Variants in MSRA observed in about 807,000 individuals in gnomAD.
MSRA encodes the protein mitochondrial peptide methionine sulfoxide reductase.
MSRA carries 54 observed loss-of-function variants against 31.3 expected under a neutral mutation model. The ratio of observed to expected loss-of-function variants is 1.73; its 90% CI spans 1.39 to 2.17. MSRA has a LOEUF of 2.17. Among genes scored for constraint, MSRA ranks in the 30% most tolerant of loss-of-function variants. MSRA has a pLI of 0.00. For missense variants in MSRA, 507 were observed against 300.9 expected, an observed-to-expected ratio of 1.69 and a Z score of -5.07; for synonymous variants, 169 against 116.5, an observed-to-expected ratio of 1.45 and a Z score of -2.90.
chr8:10,200,500 C>T (rs1779644073), intron 1 of MSRA, among the ~76,000 whole-genome samples: 3 of 152,138 alleles, frequency 2.0e-5, no homozygotes, highest in South Asian at 4.1e-4. Flanking sequence ...CTGGGGGACT[C>T]CCTGCCTTGC....
At chr8:10,125,903 C>G (rs1041083469) in intron 1 of MSRA, among the ~76,000 whole-genome samples, 1 of 152,132 alleles carries the variant, frequency 6.6e-6, no homozygotes, top group Non-Finnish European at 1.5e-5. Flanking sequence ...CCATTTTACA[C>G]TAAGACAAAA....
chr8:10,327,509 C>T (rs981070370), intron 5 of MSRA, among the ~76,000 whole-genome samples: 1 of 152,158 alleles, frequency 6.6e-6, no homozygotes, highest in Non-Finnish European at 1.5e-5. Context: ...TAATTTTCTT[C>T]CTGCTTAGAT....
intron 1 of MSRA, among the ~76,000 whole-genome samples, chr8:10,154,400 C>CT (rs748243083): frequency 2.0e-5 from 3 of 151,674 alleles, no homozygotes; most frequent in African/African-American, 7.3e-5. Context: ...TTTTTTGAGA[C>CT]TGAGTCTTGC....
chr8:10,422,250 T>C (rs1808858935), intron 5 of MSRA, among the ~76,000 whole-genome samples: 1 of 152,148 alleles, frequency 6.6e-6, no homozygotes, highest in Non-Finnish European at 1.5e-5. Flanking sequence ...TGCACCAGTG[T>C]ACTCCAGCCT....
chr8:10,205,561 G>A (rs961026054), intron 1 of MSRA, among the ~76,000 whole-genome samples: 1 of 152,120 alleles, frequency 6.6e-6, no homozygotes, highest in African/African-American at 2.4e-5. Context: ...TTTCAGCTGG[G>A]CCATCGACAG....
intron 5 of MSRA, among the ~76,000 whole-genome samples, chr8:10,323,535 T>G (rs1802177841): frequency 6.6e-6 from 1 of 152,214 alleles, no homozygotes; most frequent in Non-Finnish European, 1.5e-5. Context: ...CATTGTAGTT[T>G]CTACCCTCAG....
intron 1 of MSRA, among the ~76,000 whole-genome samples, chr8:10,093,952 T>C (rs1288439565): frequency 1.3e-5 from 2 of 152,236 alleles, no homozygotes; most frequent in African/African-American, 2.4e-5. Context: ...CTGGTCTCCA[T>C]GGTTTTCAAT....
At chr8:10,341,022 T>A (rs1803393913) in intron 5 of MSRA, among the ~76,000 whole-genome samples, 1 of 152,228 alleles carries the variant, frequency 6.6e-6, no homozygotes, top group Non-Finnish European at 1.5e-5. Flanking sequence ...TTAATTTAGA[T>A]GCCAAGTGAG....
chr8:10,144,361 C>G (rs1414189682), intron 1 of MSRA, among the ~76,000 whole-genome samples: 2 of 151,876 alleles, frequency 1.3e-5, no homozygotes. Context: ...GTTTTTGAAC[C>G]TCTCTGAGTT....
intron 3 of MSRA, among the ~76,000 whole-genome samples, chr8:10,283,834 TATAC>T (rs1321365410): frequency 2.1e-4 from 15 of 71,074 alleles, no homozygotes; most frequent in African/African-American, 2.7e-4. Flanking sequence ...TATATATATA[TATAC>T]ACACACACAC....
rs189307994 is a variant in MSRA at position 10,364,383 on chromosome 8, G to T, written c.543+44394G>T. ...CTGCAAGAGTAGATTGGGAGATGCT[G>T]TTGTGTCTCGAAATCATCCTTGGCG... On this transcript the variant is annotated intron_variant, in intron 5 of 5. Coordinates refer to ENST00000317173, the MANE Select transcript of MSRA (RefSeq NM_012331.5). Among the ~76,000 whole-genome samples the T allele has an allele frequency of 1.1e-4, 16 of 152,320 alleles. No individual in the cohort carries two copies. In the East Asian group the frequency reaches 3.1e-3, roughly 29 times the overall value.
intron 4 of MSRA, among the ~76,000 whole-genome samples, chr8:10,317,482 T>A (rs185545932): frequency 1.6e-4 from 24 of 152,284 alleles, no homozygotes; most frequent in Non-Finnish European, 2.4e-4. Flanking sequence ...AGAGCAGTCT[T>A]AGGGTTGTTT....
intron 3 of MSRA, among the ~76,000 whole-genome samples, chr8:10,278,838 A>T (rs1035782218): frequency 2.6e-5 from 4 of 152,202 alleles, no homozygotes; most frequent in Admixed American, 2.6e-4. Context: ...GGGCATCTCT[A>T]CATTCCCGTC....
At chr8:10,245,351 G>A (rs1390083746) in intron 3 of MSRA, 128 bp downstream of exon 3, 1 of 886,368 alleles carries the variant, frequency 1.1e-6, no homozygotes, top group Admixed American at 2.5e-5. Context: ...TTTATTATTT[G>A]TATATATATA....
At chr8:10,226,726 T>G (rs1437652732) in intron 2 of MSRA, among the ~76,000 whole-genome samples, 1 of 151,832 alleles carries the variant, frequency 6.6e-6, no homozygotes, top group African/African-American at 2.4e-5. Context: ...TTTGTTTGTT[T>G]GTTTGTTTTT....
intron 1 of MSRA, among the ~76,000 whole-genome samples, chr8:10,128,102 G>C (rs1470196878): frequency 1.3e-5 from 2 of 152,076 alleles, no homozygotes; most frequent in East Asian, 3.9e-4. Context: ...TCTAGGCCAG[G>C]TGCGATGGCT....
chr8:10,252,967 C>T (rs539522311), intron 3 of MSRA, among the ~76,000 whole-genome samples: 2 of 152,286 alleles, frequency 1.3e-5, no homozygotes, highest in East Asian at 1.9e-4. Flanking sequence ...ACCCTGTATG[C>T]TGATAGGTAG....
intron 1 of MSRA, among the ~76,000 whole-genome samples, chr8:10,148,819 A>T (rs1389254123): frequency 9.9e-6 from 1 of 101,094 alleles, no homozygotes; most frequent in South Asian, 3.9e-4. Flanking sequence ...AAAAAAAAGG[A>T]AACTCTGTCT....
At chr8:10,221,858 C>A (rs999348578) in intron 2 of MSRA, among the ~76,000 whole-genome samples, 8 of 152,018 alleles carry the variant, frequency 5.3e-5, no homozygotes, top group Non-Finnish European at 1.2e-4. Flanking sequence ...AAAAGTGTCC[C>A]AGGCAGAAGG....
Sources: gnomAD v4.1 joint callset for allele counts (sites outside exome capture counted in the v4.1 genomes callset) on GRCh38, gnomAD v4.1.1 for gene constraint, MANE v1.5 for transcripts, NCBI Gene and HGNC (gene_info 2026-07-23, HGNC 2026-07-21) for gene names.